Variants in KALRN observed in about 807,000 individuals in gnomAD.
The protein encoded by KALRN is kalirin RhoGEF kinase.
KALRN carries 70 observed loss-of-function variants against 353.7 expected under a neutral mutation model. That is an observed-to-expected ratio of 0.20 (90% CI 0.16 to 0.24). The LOEUF (loss-of-function observed/expected upper bound fraction) is 0.24. Among genes scored for constraint, KALRN ranks in the 10% least tolerant of loss-of-function variants. The pLI is 1.00. For synonymous variants in KALRN, 1,391 were observed against 1,434.8 expected (o/e 0.97, Z 0.69); for missense variants, 2,791 against 3,756.7 (o/e 0.74, Z 6.72).
intron 33 of KALRN, among the ~76,000 whole-genome samples, chr3:124,562,231 G>A (rs2072135585): frequency 6.6e-6 from 1 of 152,158 alleles, no homozygotes; most frequent in Non-Finnish European, 1.5e-5. Context: ...CATTCTTTTT[G>A]TAGTCCTCGT....
At chr3:124,339,888 AG>A in intron 9 of KALRN, among the ~76,000 whole-genome samples, 1 of 152,242 alleles carries the variant, frequency 6.6e-6, no homozygotes, top group East Asian at 1.9e-4. Context: ...ATTTCAAATA[AG>A]ATGACTTATC....
In KALRN at chr3:124,120,637, C is replaced by T. The variant is rs1266355723; in HGVS notation, c.73+86824C>T. Reference sequence around the variant, plus strand: ...ATGTGCCTAGAACTGTGCTGATGGTCTAGAAGATACAGAAATGTGAACAGA... The same window carrying T: ...ATGTGCCTAGAACTGTGCTGATGGTTTAGAAGATACAGAAATGTGAACAGA... On this transcript the variant is annotated intron_variant, in intron 1 of 59. Transcript: ENST00000682506. Among the ~76,000 whole-genome samples the T allele has an allele frequency of 2.0e-5, 3 of 148,806 alleles. No homozygotes were observed. In the Admixed American group the frequency reaches 2.0e-4, roughly 10 times the overall value.
intron 1 of KALRN, chr3:124,080,154 G>C (rs1337351311): frequency 1.4e-5 from 6 of 436,654 alleles, no homozygotes; most frequent in Non-Finnish European, 2.9e-5. Flanking sequence ...CTTCTGTATA[G>C]TATGAGTTAG....
intron 1 of KALRN, among the ~76,000 whole-genome samples, chr3:124,165,872 A>C (rs999315483): frequency 2.0e-5 from 3 of 151,970 alleles, no homozygotes; most frequent in African/African-American, 7.3e-5. Flanking sequence ...CTCTCCCTGA[A>C]CCATGGCCTC....
intron 3 of KALRN, among the ~76,000 whole-genome samples, chr3:124,248,301 C>T (rs1244015363): frequency 6.6e-6 from 1 of 152,236 alleles, no homozygotes; most frequent in Non-Finnish European, 1.5e-5. Flanking sequence ...CTATTTCAGA[C>T]ATGAAGTACC....
At chr3:124,084,779 G>A (rs1053756575) in intron 1 of KALRN, among the ~76,000 whole-genome samples, 3 of 152,182 alleles carry the variant, frequency 2.0e-5, no homozygotes, top group African/African-American at 7.2e-5. Flanking sequence ...TGAAAGGCAT[G>A]TTTCTTACAT....
chr3:124,397,237 T>C (rs1046325732), intron 12 of KALRN, among the ~76,000 whole-genome samples: 1 of 152,188 alleles, frequency 6.6e-6, no homozygotes, highest in Non-Finnish European at 1.5e-5. Context: ...GTACATCTCA[T>C]GTTATTTTCA....
chr3:124,601,850 C>T lies in KALRN; in HGVS notation c.5183-30570C>T, dbSNP rs551021345. Among the ~76,000 whole-genome samples, 18 of 138,476 alleles carry T rather than the reference C, an allele frequency of 1.3e-4. No individual in the cohort carries two copies. In the South Asian group the frequency reaches 3.0e-3, roughly 23 times the overall value. The allele number at this position is 138,476 out of a possible 152,430, so 90.8% of individuals were successfully genotyped here. ...TTTGAGACCAGCCTAGGCAACATGG[C>T]GAAACCCCATCTCTAGGAAAAAAAA... On this transcript the variant is annotated intron_variant, in intron 34 of 59. Coordinates refer to ENST00000682506, the MANE Select transcript of KALRN (RefSeq NM_001388419.1).
At chr3:124,661,146 C>T (rs2084824893) in intron 44 of KALRN, among the ~76,000 whole-genome samples, 173 bp downstream of exon 44, 1 of 152,170 alleles carries the variant, frequency 6.6e-6, no homozygotes, top group South Asian at 2.1e-4. Flanking sequence ...AGTGTTAACA[C>T]AGTGTTTCCT....
chr3:124,585,750 T>C (rs996036115), intron 34 of KALRN, among the ~76,000 whole-genome samples: 1 of 152,212 alleles, frequency 6.6e-6, no homozygotes, highest in African/African-American at 2.4e-5. Flanking sequence ...TGTTTTTGTG[T>C]GGGTAGAAAT....
At chr3:124,120,709 AAAATATATATATATATATATATATAT>A (rs1300926279) in intron 1 of KALRN, among the ~76,000 whole-genome samples, 7 of 112,748 alleles carry the variant, frequency 6.2e-5, no homozygotes, top group African/African-American at 2.7e-4. Context: ...AGGAATACTA[AAAATATATATATATATATATATATAT>A]ATATATATAT....
intron 1 of KALRN, among the ~76,000 whole-genome samples, chr3:124,197,185 A>G (rs2075528576): frequency 6.6e-6 from 1 of 152,156 alleles, no homozygotes; most frequent in Non-Finnish European, 1.5e-5. Context: ...TGCCTTATAT[A>G]ATTCTGTCTT....
chr3:124,693,941 A>G (rs1559858366), intron 52 of KALRN, 110 bp downstream of exon 52: 1 of 751,904 alleles, frequency 1.3e-6, no homozygotes, highest in South Asian at 2.0e-5. Context: ...TTCTGTATCA[A>G]TGGACAAGGA....
intron 25 of KALRN, among the ~76,000 whole-genome samples, chr3:124,463,433 A>G (rs755576376): frequency 6.6e-6 from 1 of 152,180 alleles, no homozygotes; most frequent in Non-Finnish European, 1.5e-5. Flanking sequence ...CCATGTGTAC[A>G]GGTGTAGCAG....
chr3:124,632,324 G>T (rs1031788958), intron 34 of KALRN, 96 bp from the exon 35 acceptor site: 47 of 1,223,762 alleles, frequency 3.8e-5, no homozygotes, highest in Middle Eastern at 3.9e-4. Context: ...ATTCTGCCTT[G>T]TGTCCTAGCT....
intron 1 of KALRN, among the ~76,000 whole-genome samples, chr3:124,178,196 C>A (rs1190443599): frequency 1.3e-5 from 2 of 152,146 alleles, no homozygotes; most frequent in Admixed American, 1.3e-4. Context: ...CCCTTTTCTG[C>A]GGGTGATACT....
At chr3:124,523,365 C>T (rs111349383) in intron 33 of KALRN, among the ~76,000 whole-genome samples, 7 of 152,194 alleles carry the variant, frequency 4.6e-5, no homozygotes, top group South Asian at 2.1e-4. Context: ...AACTATGTCA[C>T]GTCCTAGGCC....
intron 34 of KALRN, among the ~76,000 whole-genome samples, chr3:124,610,163 A>T (rs2077777885): frequency 6.6e-6 from 1 of 152,218 alleles, no homozygotes; most frequent in Non-Finnish European, 1.5e-5. Context: ...TAGTGAGGAG[A>T]GTAGGAGCAA....
intron 6 of KALRN, among the ~76,000 whole-genome samples, chr3:124,307,568 A>T (rs1560519981): frequency 2.3e-5 from 2 of 88,004 alleles, no homozygotes; most frequent in Admixed American, 1.1e-4. Context: ...GTAGAAGCTG[A>T]TTCTGATAAG....
Sources: gnomAD v4.1 joint callset for allele counts (sites outside exome capture counted in the v4.1 genomes callset) on GRCh38, gnomAD v4.1.1 for gene constraint, MANE v1.5 for transcripts, NCBI Gene and HGNC (gene_info 2026-07-23, HGNC 2026-07-21) for gene names.